FMNL2: variants seen among roughly 807,000 people sequenced by gnomAD.
FMNL2 encodes formin like 2.
A neutral mutation model predicts 130.2 loss-of-function variants in FMNL2; 51 were observed. The ratio of observed to expected loss-of-function variants is 0.39; its 90% CI spans 0.31 to 0.49. The LOEUF (loss-of-function observed/expected upper bound fraction) is 0.49, where lower values mean the gene tolerates loss of function less well. Among genes scored for constraint, FMNL2 ranks in the 20% least tolerant of loss-of-function variants. The probability of loss-of-function intolerance (pLI) is 0.85; values close to 1 mark genes in which losing one functional copy is unlikely to be tolerated. For missense variants in FMNL2, 977 were observed against 1,316.2 expected (o/e 0.74, Z 3.99); for synonymous variants, 465 against 467.1 (o/e 1.00, Z 0.06).
chr2:152,342,402 G>T (rs1040785097), intron 1 of FMNL2, among the ~76,000 whole-genome samples: 2 of 152,208 alleles, frequency 1.3e-5, no homozygotes, highest in African/African-American at 4.8e-5. Flanking sequence ...AGGAGGGAAG[G>T]TGAGTTACAA....
intron 1 of FMNL2, among the ~76,000 whole-genome samples, chr2:152,437,202 G>C (rs146632157): frequency 6.6e-6 from 1 of 152,276 alleles, no homozygotes; most frequent in East Asian, 1.9e-4. Context: ...TGGAGATTTA[G>C]AGATCACCAT....
intron 6 of FMNL2, among the ~76,000 whole-genome samples, chr2:152,561,256 G>T (rs1454005604): frequency 6.6e-6 from 1 of 152,174 alleles, no homozygotes; most frequent in African/African-American, 2.4e-5. Context: ...CCTTGATTCA[G>T]CATAGAAGGT....
At chr2:152,375,871 C>CTATATATATATATA (rs1296121653) in intron 1 of FMNL2, among the ~76,000 whole-genome samples, 4 of 114,580 alleles carry the variant, frequency 3.5e-5, no homozygotes, top group African/African-American at 6.5e-5. Context: ...CTCTCTCTCT[C>CTATATATATATATA]TCTCTCTATA....
rs528805985 is a variant in FMNL2 at position 152,593,560 on chromosome 2, A to G, written c.876+12511A>G. Reference sequence around the variant, plus strand: ...CATGGCAATGAATATGAAGCCAAAAAATGAAAGAAAAGGCAATAAGAGATA... The same window carrying G: ...CATGGCAATGAATATGAAGCCAAAAGATGAAAGAAAAGGCAATAAGAGATA... On this transcript the variant is annotated intron_variant, in intron 9 of 25. Transcript: ENST00000288670. Among the ~76,000 whole-genome samples, 4 of 152,276 alleles carry G rather than the reference A, an allele frequency of 2.6e-5. No individual in the cohort carries two copies. The South Asian group carries it at 8.3e-4, about 32-fold the overall frequency.
intron 9 of FMNL2, among the ~76,000 whole-genome samples, chr2:152,605,995 A>G (rs1452652948): frequency 6.6e-6 from 1 of 152,230 alleles, no homozygotes; most frequent in African/African-American, 2.4e-5. Flanking sequence ...TTTAACAAAT[A>G]CGATTGGGAA....
At chr2:152,339,545 T>C (rs1579426122) in intron 1 of FMNL2, among the ~76,000 whole-genome samples, 1 of 152,252 alleles carries the variant, frequency 6.6e-6, no homozygotes, top group Non-Finnish European at 1.5e-5. Context: ...AATTCTTTTG[T>C]TGAGTTTCAG....
intron 1 of FMNL2, among the ~76,000 whole-genome samples, chr2:152,494,160 G>A (rs542163668): frequency 5.9e-5 from 9 of 152,312 alleles, no homozygotes; most frequent in South Asian, 2.1e-4. Flanking sequence ...GATAAACGAG[G>A]GTCACCCAAC....
chr2:152,500,407 C>G (rs1691748430), intron 1 of FMNL2, among the ~76,000 whole-genome samples: 1 of 152,170 alleles, frequency 6.6e-6, no homozygotes, highest in African/African-American at 2.4e-5. Flanking sequence ...CCCCCAGCAC[C>G]TGATTAATTA....
At chr2:152,389,889 G>A in intron 1 of FMNL2, 2 of 1,018,362 alleles carry the variant, frequency 2.0e-6, no homozygotes, top group Non-Finnish European at 3.1e-6. Context: ...AGGCCCGGTG[G>A]GAGAAGAGAA....
At chr2:152,474,364 A>G (rs529429726) in intron 1 of FMNL2, among the ~76,000 whole-genome samples, 1 of 152,292 alleles carries the variant, frequency 6.6e-6, no homozygotes, top group African/African-American at 2.4e-5. Context: ...TAAATGGAAA[A>G]TGAGCTTCAC....
At chr2:152,557,178 T>C (rs1274078139) in intron 4 of FMNL2, among the ~76,000 whole-genome samples, 2 of 152,144 alleles carry the variant, frequency 1.3e-5, no homozygotes, top group African/African-American at 4.8e-5. Flanking sequence ...TTAAAATAAA[T>C]AAAAAATAAG....
At chr2:152,544,950 A>G (rs540925661) in intron 3 of FMNL2, among the ~76,000 whole-genome samples, 41 of 152,216 alleles carry the variant, frequency 2.7e-4, no homozygotes, top group Non-Finnish European at 4.4e-4. Flanking sequence ...CAAATAATAA[A>G]CTGGAGCAGG....
chr2:152,634,268 A>C (rs933849177), intron 21 of FMNL2, among the ~76,000 whole-genome samples: 1 of 152,160 alleles, frequency 6.6e-6, no homozygotes, highest in Admixed American at 6.5e-5. Context: ...CCCTGTCTCT[A>C]CTAAAAATAC....
intron 1 of FMNL2, among the ~76,000 whole-genome samples, chr2:152,501,719 A>G (rs1482081557): frequency 6.6e-6 from 1 of 150,410 alleles, no homozygotes; most frequent in Non-Finnish European, 1.5e-5. Flanking sequence ...TTTTTTTTTA[A>G]TTTTGAGTAA....
chr2:152,592,658 CA>C (rs1405289615), intron 9 of FMNL2, among the ~76,000 whole-genome samples: 1 of 152,044 alleles, frequency 6.6e-6, no homozygotes, highest in Non-Finnish European at 1.5e-5. Flanking sequence ...TTAGTGCTGG[CA>C]GACTAGTATA....
intron 1 of FMNL2, among the ~76,000 whole-genome samples, chr2:152,503,891 A>C (rs1014814343): frequency 6.6e-6 from 1 of 152,222 alleles, no homozygotes; most frequent in Non-Finnish European, 1.5e-5. Flanking sequence ...TACACATTCC[A>C]CAATGAAGAA....
chr2:152,461,697 A>T (rs1331685531), intron 1 of FMNL2, among the ~76,000 whole-genome samples: 1 of 152,202 alleles, frequency 6.6e-6, no homozygotes, highest in East Asian at 1.9e-4. Context: ...TGTTGAGAGA[A>T]GACTTTTCTA....
chr2:152,567,377 T>C (rs1360906600), intron 6 of FMNL2, among the ~76,000 whole-genome samples: 1 of 152,210 alleles, frequency 6.6e-6, no homozygotes, highest in Non-Finnish European at 1.5e-5. Flanking sequence ...ATGGGACGTA[T>C]AGACAGCGTT....
chr2:152,614,741 T>TCAAAA (rs70974877), intron 11 of FMNL2, 110 bp from the exon 12 acceptor site: 159,315 of 1,022,796 alleles, frequency 0.16, 15,404 homozygotes, highest in African/African-American at 0.25. Context: ...AAACTCCATC[T>TCAAAA]CAAAACAAAA....
Sources: gnomAD v4.1 joint callset for allele counts (sites outside exome capture counted in the v4.1 genomes callset) on GRCh38, gnomAD v4.1.1 for gene constraint, MANE v1.5 for transcripts, NCBI Gene and HGNC (gene_info 2026-07-23, HGNC 2026-07-21) for gene names.